MAST4: variants seen among roughly 807,000 people sequenced by gnomAD.
MAST4 encodes the protein microtubule associated serine/threonine kinase family member 4, also known as microtubule-associated serine/threonine-protein kinase 4.
MAST4 carries 89 observed loss-of-function variants against 162.7 expected under a neutral mutation model. That is an observed-to-expected ratio of 0.55 (90% CI 0.46 to 0.65). The LOEUF (loss-of-function observed/expected upper bound fraction) is 0.65, where lower values mean the gene tolerates loss of function less well. MAST4 is among the 30% of genes least tolerant of loss of function. The pLI is 0.00. For missense variants in MAST4, 3,153 were observed against 3,374.0 expected (o/e 0.93, Z 1.62); for synonymous variants, 1,479 against 1,361.1 (o/e 1.09, Z -1.91).
chr5:66,657,628 C>G (rs1330574209), intron 1 of MAST4, among the ~76,000 whole-genome samples: 1 of 152,152 alleles, frequency 6.6e-6, no homozygotes, highest in South Asian at 2.1e-4. Context: ...ATGTATGGCT[C>G]TGAATGAAAG....
At chr5:66,632,960 AT>A (rs1275164249) in intron 1 of MAST4, among the ~76,000 whole-genome samples, 8 of 152,186 alleles carry the variant, frequency 5.3e-5, no homozygotes, top group South Asian at 4.2e-4. Flanking sequence ...ATGAGTTTGA[AT>A]TTTTTTTCAT....
intron 1 of MAST4, among the ~76,000 whole-genome samples, chr5:66,757,220 G>A (rs1305667565): frequency 3.3e-5 from 5 of 152,132 alleles, no homozygotes; most frequent in Admixed American, 2.6e-4. Context: ...AAAATAAGTA[G>A]CAGATGCTGA....
intron 4 of MAST4, among the ~76,000 whole-genome samples, chr5:66,975,378 A>G (rs868279450): frequency 5.9e-5 from 9 of 152,188 alleles, no homozygotes; most frequent in African/African-American, 1.9e-4. Context: ...AAGTGAGGAC[A>G]GTGTGGTGAG....
chr5:66,651,400 G>A, intron 1 of MAST4, among the ~76,000 whole-genome samples: 1 of 151,820 alleles, frequency 6.6e-6, no homozygotes. Flanking sequence ...TATATACTCA[G>A]TCTTTTTCTC....
At chr5:66,903,244 C>G (rs980696375) in intron 4 of MAST4, among the ~76,000 whole-genome samples, 1 of 152,060 alleles carries the variant, frequency 6.6e-6, no homozygotes, top group Non-Finnish European at 1.5e-5. Flanking sequence ...AGGAGTTTCA[C>G]GTATATCATT....
intron 7 of MAST4, among the ~76,000 whole-genome samples, chr5:67,098,581 A>G (rs1323299711): frequency 1.3e-5 from 2 of 152,184 alleles, no homozygotes; most frequent in Admixed American, 1.3e-4. Flanking sequence ...TTGTATGTGC[A>G]TATGAATACT....
chr5:67,153,675 C>A, intron 26 of MAST4, 95 bp downstream of exon 26: 1 of 1,163,848 alleles, frequency 8.6e-7, no homozygotes, highest in Non-Finnish European at 1.1e-6. Flanking sequence ...ACACCCATGT[C>A]TGATTACTGA....
chr5:67,051,432 T>G (rs1175656209), intron 4 of MAST4, among the ~76,000 whole-genome samples: 1 of 152,172 alleles, frequency 6.6e-6, no homozygotes, highest in Non-Finnish European at 1.5e-5. Context: ...ATGTTATTAT[T>G]AATGTGGGCA....
At chr5:66,626,493 T>C (rs890463574) in intron 1 of MAST4, among the ~76,000 whole-genome samples, 1 of 152,174 alleles carries the variant, frequency 6.6e-6, no homozygotes, top group Non-Finnish European at 1.5e-5. Flanking sequence ...TTAAGTAACA[T>C]GTAAAATACA....
rs1561293856 is a variant in MAST4 at position 66,734,246 on chromosome 5, G to A, written c.364-25463G>A. The stretch of plus-strand genomic sequence containing the variant: ...CTCCCAAATTAGATTGCAGACTTTT[G>A]GGGGGCTTTTAGTGACTTGTGGGCA... On this transcript the variant is annotated intron_variant, in intron 1 of 28. Transcript: ENST00000403625. Among the ~76,000 whole-genome samples the A allele has an allele frequency of 2.0e-5, 3 of 152,126 alleles. No homozygotes were observed. The South Asian group carries it at 6.2e-4, about 32-fold the overall frequency.
At chr5:67,135,322 T>C (rs1769474827) in intron 18 of MAST4, among the ~76,000 whole-genome samples, 1 of 152,210 alleles carries the variant, frequency 6.6e-6, no homozygotes, top group Non-Finnish European at 1.5e-5. Context: ...ATGTGGCCTG[T>C]GGCAAAACTA....
chr5:67,132,836 C>G (rs536640684), intron 16 of MAST4, among the ~76,000 whole-genome samples: 7 of 152,080 alleles, frequency 4.6e-5, no homozygotes, highest in African/African-American at 1.7e-4. Flanking sequence ...GAAAAAAATT[C>G]ATCTGCAGTA....
intron 4 of MAST4, among the ~76,000 whole-genome samples, chr5:66,989,642 T>C (rs768540248): frequency 3.5e-4 from 54 of 152,192 alleles, no homozygotes; most frequent in Non-Finnish European, 6.8e-4. Context: ...GAAAGAAATA[T>C]AGTTTTGGAC....
intron 10 of MAST4, 54 bp from the exon 11 acceptor site, chr5:67,110,044 T>G: frequency 7.6e-7 from 1 of 1,310,418 alleles, no homozygotes; most frequent in Non-Finnish European, 1.1e-6. Context: ...TGATTTTCTT[T>G]TCCATTTAAT....
intron 4 of MAST4, among the ~76,000 whole-genome samples, chr5:67,020,930 T>A (rs536944158): frequency 1.3e-5 from 2 of 152,338 alleles, no homozygotes; most frequent in East Asian, 3.9e-4. Context: ...TGGCTCTTTG[T>A]GCTACAATGA....
At chr5:66,957,407 C>A (rs901439590) in intron 4 of MAST4, among the ~76,000 whole-genome samples, 1 of 152,088 alleles carries the variant, frequency 6.6e-6, no homozygotes, top group African/African-American at 2.4e-5. Context: ...AACTGCTGGA[C>A]TCAAACCGTC....
At position 67,152,763 on chromosome 5, in the gene MAST4, C is replaced by T. The variant is rs754657959; in HGVS notation, c.3422C>T (p.Pro1141Leu). Residue 1141 changes from proline (P) to leucine (L), a missense_variant, in exon 25 of 29, where the codon CCG becomes CTG. By Grantham distance (98) the Pro-to-Leu change is moderately conservative (BLOSUM62 -3). Transcript: ENST00000403625. ...SSAASASPHQPIVIHSSGKNY... is the reference protein window; with the variant it reads ...SSAASASPHQLIVIHSSGKNY... ...GCAGCTTCTGCCAGTCCACATCAGC[C>T]GATTGTGATCCACAGTTCGGGGAAG... 130 of 1,613,958 alleles carry T rather than the reference C, an allele frequency of 8.1e-5. No homozygotes were observed. The highest frequency in any genetic ancestry group is 1.1e-4 in the Non-Finnish European group (127 of 1,179,912).
intron 1 of MAST4, among the ~76,000 whole-genome samples, chr5:66,754,276 A>G (rs887351668): frequency 6.6e-6 from 1 of 152,200 alleles, no homozygotes; most frequent in East Asian, 1.9e-4. Flanking sequence ...GCTAGCAGGG[A>G]TACAGTTAAA....
At chr5:66,828,135 A>T (rs1757363215) in intron 3 of MAST4, among the ~76,000 whole-genome samples, 1 of 152,182 alleles carries the variant, frequency 6.6e-6, no homozygotes, top group Non-Finnish European at 1.5e-5. Context: ...TATTATCATG[A>T]GGGAAATTAA....
Sources: allele counts gnomAD v4.1 joint callset (sites outside exome capture counted in the v4.1 genomes callset), GRCh38; gene constraint gnomAD v4.1.1; transcripts MANE v1.5; gene names NCBI Gene and HGNC (gene_info 2026-07-23, HGNC 2026-07-21).